The following APOO variants were observed in gnomAD, a reference collection of about 807,000 sequenced individuals.
APOO encodes the protein MICOS complex subunit MIC26.
Under a neutral mutation model 23.1 loss-of-function variants are expected in APOO, and 11 were observed. The observed-to-expected ratio is 0.48, with a 90% CI of 0.30 to 0.79. The LOEUF (loss-of-function observed/expected upper bound fraction) is 0.79. APOO is among the 30% of genes least tolerant of loss of function. The probability of loss-of-function intolerance (pLI) is 0.07; values close to 1 mark genes in which losing one functional copy is unlikely to be tolerated. For synonymous variants in APOO, 59 were observed against 54.8 expected (o/e 1.08, Z -0.34); for missense variants, 160 against 142.7 (o/e 1.12, Z -0.62).
At chrX:23,907,435 T>C (rs1927413152) in intron 1 of APOO, among the ~76,000 whole-genome samples, 1 of 112,000 alleles carries the variant, frequency 8.9e-6, no homozygotes, top group Non-Finnish European at 1.9e-5. Flanking sequence ...ACTTTAAATT[T>C]TCAAAGTGTT....
At chrX:23,885,560 C>G (rs766705986) in intron 1 of APOO, among the ~76,000 whole-genome samples, 5 of 109,294 alleles carry the variant, frequency 4.6e-5, no homozygotes, top group South Asian at 4.0e-4. Flanking sequence ...CACACTCAGC[C>G]TATCTTTGAT....
At chrX:23,839,001 T>A (rs552392068) in intron 8 of APOO, among the ~76,000 whole-genome samples, 1 of 111,671 alleles carries the variant, frequency 9.0e-6, no homozygotes, top group East Asian at 2.8e-4. Flanking sequence ...AATATAACCA[T>A]ATTAAAAGTC....
intron 1 of APOO, among the ~76,000 whole-genome samples, chrX:23,888,966 T>G (rs934203002): frequency 2.4e-5 from 2 of 81,691 alleles, no homozygotes. Context: ...ATAACAAGAC[T>G]CCATCTCTAC....
At chrX:23,865,344 C>A (rs1217979129) in intron 5 of APOO, among the ~76,000 whole-genome samples, 1 of 111,313 alleles carries the variant, frequency 9.0e-6, no homozygotes, top group African/African-American at 3.3e-5. Flanking sequence ...TGGCTCACAA[C>A]TATGATCCCA....
chrX:23,876,796 T>A (rs1255481612), intron 3 of APOO, among the ~76,000 whole-genome samples: 1 of 111,714 alleles, frequency 9.0e-6, no homozygotes, highest in Non-Finnish European at 1.9e-5. Context: ...AGACTCCGTC[T>A]CAAAAAAAGA....
chrX:23,861,964 C>G (rs142054336), intron 5 of APOO, among the ~76,000 whole-genome samples: 1 of 109,567 alleles, frequency 9.1e-6, no homozygotes, highest in African/African-American at 3.3e-5. Flanking sequence ...CCACCACACC[C>G]GGCTATTTTT....
chrX:23,860,301 T>G (rs1924958243), intron 5 of APOO, among the ~76,000 whole-genome samples: 1 of 110,350 alleles, frequency 9.1e-6, no homozygotes, highest in South Asian at 3.9e-4. Context: ...TGGACCAGCA[T>G]GGCCTTTCCT....
At chrX:23,865,000 G>C (rs1032709138) in intron 5 of APOO, among the ~76,000 whole-genome samples, 3 of 110,395 alleles carry the variant, frequency 2.7e-5, no homozygotes, top group African/African-American at 9.9e-5. Context: ...AGAGACCCAA[G>C]AACTTCAGGA....
chrX:23,906,370 G>GT (rs1488892496), intron 1 of APOO, among the ~76,000 whole-genome samples: 1 of 112,665 alleles, frequency 8.9e-6, no homozygotes, highest in African/African-American at 3.2e-5. Flanking sequence ...AAATAGTTAT[G>GT]TTTTTTCCCC....
At position 23,868,070 on chromosome X, in the gene APOO, T is replaced by C. The variant is rs763186014; in HGVS notation, c.388+523A>G. Among the ~76,000 whole-genome samples the C allele has an allele frequency of 1.8e-3, 201 of 112,558 alleles. 1 individual carries two copies. The highest frequency in any genetic ancestry group is 3.3e-3 in the Non-Finnish European group (175 of 53,327). ...AGTTGATAACAAATTCATCTCATCA[T>C]AGCAAAGTATTTTATTAGCCTTTAT... On this transcript the variant is annotated intron_variant, in intron 5 of 8. Coordinates refer to ENST00000379226, the MANE Select transcript of APOO (RefSeq NM_024122.5).
At chrX:23,839,673 C>T (rs910557361) in intron 8 of APOO, among the ~76,000 whole-genome samples, 1 of 111,815 alleles carries the variant, frequency 8.9e-6, no homozygotes, top group Admixed American at 9.6e-5. Context: ...CACTTTCTGT[C>T]GTATCTCCTG....
chrX:23,868,775 A>C lies in APOO; in HGVS notation c.293-87T>G, dbSNP rs1030761996. Reference sequence around the variant, plus strand: ...GTCTTATACAGTATATAATATGTATATATAGTATCAAGTGCTTTTCAAACC... The same window carrying C: ...GTCTTATACAGTATATAATATGTATCTATAGTATCAAGTGCTTTTCAAACC... On this transcript the variant is annotated intron_variant, in intron 4 of 8. Coordinates refer to ENST00000379226, the MANE Select transcript of APOO (RefSeq NM_024122.5). The C allele has an allele frequency of 6.3e-6, 4 of 630,605 alleles. No individual in the cohort carries two copies. In the African/African-American group the frequency reaches 8.9e-5, roughly 14 times the overall value. 52.0% of individuals were successfully genotyped at this position (630,605 alleles called of 1,213,427 possible).
At chrX:23,900,674 C>CA (rs967658475) in intron 1 of APOO, among the ~76,000 whole-genome samples, 630 of 24,211 alleles carry the variant, frequency 0.026, 9 homozygotes, top group Admixed American at 0.072. Context: ...GACTCCGGCT[C>CA]AAAAAAAAAA....
chrX:23,899,598 G>C (rs944326369), intron 1 of APOO, among the ~76,000 whole-genome samples: 1 of 111,602 alleles, frequency 9.0e-6, no homozygotes, highest in Non-Finnish European at 1.9e-5. Flanking sequence ...TTCCACTTAA[G>C]CATTATTGGG....
chrX:23,851,915 T>C (rs940832881), intron 7 of APOO, among the ~76,000 whole-genome samples: 5 of 111,852 alleles, frequency 4.5e-5, no homozygotes, highest in African/African-American at 1.6e-4. Context: ...TTCAGTGCCC[T>C]GTTTTATGTA....
intron 1 of APOO, among the ~76,000 whole-genome samples, chrX:23,895,183 G>A (rs1926846294): frequency 1.8e-5 from 2 of 109,562 alleles, no homozygotes; most frequent in African/African-American, 6.6e-5. Context: ...CACACACAAA[G>A]ATGAGAAAAT....
chrX:23,875,616 C>T (rs1351405448), intron 3 of APOO, among the ~76,000 whole-genome samples: 27 of 107,106 alleles, frequency 2.5e-4, no homozygotes, highest in Non-Finnish European at 5.2e-4. Context: ...GACAGGGTTT[C>T]GCTATGTTGG....
intron 7 of APOO, among the ~76,000 whole-genome samples, chrX:23,845,267 TA>T (rs768882339): frequency 3.5e-4 from 39 of 112,416 alleles, no homozygotes; most frequent in Non-Finnish European, 6.9e-4. Context: ...CTGTAGTTCT[TA>T]GAATTTTAGA....
chrX:23,881,822 C>A (rs1312386665), intron 1 of APOO, among the ~76,000 whole-genome samples: 1 of 102,946 alleles, frequency 9.7e-6, no homozygotes, highest in Non-Finnish European at 2.0e-5. Context: ...GTGGCGGGCA[C>A]CTGTAATCCC....
Sources: gnomAD v4.1 joint callset for allele counts (sites outside exome capture counted in the v4.1 genomes callset) on GRCh38, gnomAD v4.1.1 for gene constraint, MANE v1.5 for transcripts, NCBI Gene and HGNC (gene_info 2026-07-23, HGNC 2026-07-21) for gene names.